Variants in IQCM observed in about 807,000 individuals in gnomAD.
The protein encoded by IQCM is IQ motif containing M.
In IQCM, 45 loss-of-function variants were observed where a neutral mutation model predicts 57.6. That is an observed-to-expected ratio of 0.78 (90% CI 0.62 to 1.00). The LOEUF (loss-of-function observed/expected upper bound fraction) is 1.00, where lower values mean the gene tolerates loss of function less well. Among genes scored for constraint, IQCM ranks in the 50% least tolerant of loss-of-function variants. The pLI, the probability that IQCM is intolerant of heterozygous loss-of-function variation, is 0.00. For missense variants in IQCM, 468 were observed against 511.6 expected (o/e 0.91, Z 0.82); for synonymous variants, 148 against 158.9 (o/e 0.93, Z 0.51).
intron 12 of IQCM, among the ~76,000 whole-genome samples, chr4:149,515,246 G>A (rs761433702): frequency 7.2e-5 from 11 of 152,012 alleles, no homozygotes; most frequent in Non-Finnish European, 1.5e-4. Context: ...GAAACCAAAC[G>A]TTTGACTATG....
At chr4:149,666,560 G>C (rs1282442284) in intron 7 of IQCM, among the ~76,000 whole-genome samples, 2 of 152,088 alleles carry the variant, frequency 1.3e-5, no homozygotes, top group East Asian at 3.9e-4. Flanking sequence ...GTAGTGCCTG[G>C]AACATCAGCA....
chr4:149,521,121 T>C (rs1745595455), intron 12 of IQCM, among the ~76,000 whole-genome samples: 1 of 152,210 alleles, frequency 6.6e-6, no homozygotes, highest in African/African-American at 2.4e-5. Flanking sequence ...TAGTTCTTTC[T>C]GTTCATGGTC....
At chr4:149,706,075 C>CT (rs1260676626) in intron 5 of IQCM, among the ~76,000 whole-genome samples, 1 of 151,836 alleles carries the variant, frequency 6.6e-6, no homozygotes, top group African/African-American at 2.4e-5. Context: ...ATAGGATATT[C>CT]TTTTTTAAAA....
At chr4:149,454,516 T>C (rs1310813075) in intron 12 of IQCM, among the ~76,000 whole-genome samples, 2 of 151,918 alleles carry the variant, frequency 1.3e-5, no homozygotes, top group African/African-American at 2.4e-5. Flanking sequence ...TATCAGGTAC[T>C]ATGCTTATTA....
At chr4:149,584,086 G>A (rs1210222256) in intron 9 of IQCM, among the ~76,000 whole-genome samples, 1 of 151,252 alleles carries the variant, frequency 6.6e-6, no homozygotes, top group South Asian at 2.1e-4. Flanking sequence ...ATTCTATCTG[G>A]GTTAGAGGTA....
intron 12 of IQCM, among the ~76,000 whole-genome samples, chr4:149,475,046 G>C (rs1231209238): frequency 6.6e-6 from 1 of 152,120 alleles, no homozygotes. Context: ...GGGTTTTTAG[G>C]AAAGACATAA....
At position 149,396,621 on chromosome 4, in the gene IQCM, A is replaced by G. The variant is rs189586776; in HGVS notation, c.1390+36775T>C. On this transcript the variant is annotated intron_variant, in intron 13 of 13. Transcript: ENST00000636793. Reference sequence around the variant, plus strand: ...CTCTTGACAAATTTTTAAGTGTACAATATGTTGTTATTGACTATAGGTACA... The same window carrying G: ...CTCTTGACAAATTTTTAAGTGTACAGTATGTTGTTATTGACTATAGGTACA... Among the ~76,000 whole-genome samples, 314 of 152,132 alleles carry G rather than the reference A, an allele frequency of 2.1e-3. 3 individuals carry two copies. Among genetic ancestry groups the G allele is most frequent in the African/African-American group, 7.1e-3 (295 of 41,546 alleles).
At chr4:149,524,772 TAGAGA>T (rs982098853) in intron 12 of IQCM, among the ~76,000 whole-genome samples, 1 of 151,484 alleles carries the variant, frequency 6.6e-6, no homozygotes, top group African/African-American at 2.4e-5. Flanking sequence ...AAAGGAAGAG[TAGAGA>T]AGACATACAA....
At chr4:149,655,347 T>G (rs1470745434) in intron 7 of IQCM, among the ~76,000 whole-genome samples, 1 of 152,162 alleles carries the variant, frequency 6.6e-6, no homozygotes, top group Admixed American at 6.6e-5. Context: ...AACTCTTTTC[T>G]TACATCCCAC....
At chr4:149,558,741 C>G (rs976293055) in intron 10 of IQCM, among the ~76,000 whole-genome samples, 1 of 152,046 alleles carries the variant, frequency 6.6e-6, no homozygotes, top group African/African-American at 2.4e-5. Flanking sequence ...AGATTCATTG[C>G]CAAAATGAGG....
intron 12 of IQCM, among the ~76,000 whole-genome samples, chr4:149,547,970 TA>T (rs1460256643): frequency 6.6e-6 from 1 of 152,138 alleles, no homozygotes; most frequent in Non-Finnish European, 1.5e-5. Flanking sequence ...TCATAAACAA[TA>T]TTTTTCATGT....
intron 9 of IQCM, among the ~76,000 whole-genome samples, chr4:149,580,383 C>T (rs1302220031): frequency 6.6e-6 from 1 of 151,794 alleles, no homozygotes; most frequent in Non-Finnish European, 1.5e-5. Context: ...TATCAGTTAT[C>T]AACTGGATGT....
chr4:149,488,356 C>G (rs1205871602), intron 12 of IQCM, among the ~76,000 whole-genome samples: 5 of 152,076 alleles, frequency 3.3e-5, no homozygotes, highest in Admixed American at 3.3e-4. Context: ...TAAAATGAGC[C>G]AACTATTTCA....
At chr4:149,720,860 T>A (rs1765385592) in intron 5 of IQCM, among the ~76,000 whole-genome samples, 1 of 152,188 alleles carries the variant, frequency 6.6e-6, no homozygotes, top group Admixed American at 6.5e-5. Flanking sequence ...TATTAGTATG[T>A]TTCAAATTCC....
At chr4:149,454,859 G>A (rs888531718) in intron 12 of IQCM, among the ~76,000 whole-genome samples, 1 of 151,954 alleles carries the variant, frequency 6.6e-6, no homozygotes, top group African/African-American at 2.4e-5. Flanking sequence ...GGGGTAAATA[G>A]TAGCAGGGTA....
At chr4:149,417,913 A>G (rs2111202845) in intron 13 of IQCM, among the ~76,000 whole-genome samples, 1 of 150,120 alleles carries the variant, frequency 6.7e-6, no homozygotes, top group East Asian at 2.0e-4. Context: ...GGTTTATGGG[A>G]TGAATGATAA....
intron 2 of IQCM, among the ~76,000 whole-genome samples, chr4:149,794,352 A>G (rs1035916343): frequency 6.6e-6 from 1 of 152,196 alleles, no homozygotes; most frequent in Non-Finnish European, 1.5e-5. Flanking sequence ...GAAGTGCTAC[A>G]CTCCAAAGAA....
chr4:149,704,348 G>A (rs1763997270), intron 5 of IQCM, among the ~76,000 whole-genome samples: 1 of 151,768 alleles, frequency 6.6e-6, no homozygotes, highest in African/African-American at 2.4e-5. Context: ...GCAAACCACG[G>A]TCTGGGCCTA....
At chr4:149,476,337 T>A (rs778391399) in intron 12 of IQCM, among the ~76,000 whole-genome samples, 1 of 152,194 alleles carries the variant, frequency 6.6e-6, no homozygotes, top group Admixed American at 6.6e-5. Flanking sequence ...GTTTCCTTAC[T>A]TAAGTTTCCC....
Sources: allele counts gnomAD v4.1 joint callset (sites outside exome capture counted in the v4.1 genomes callset), GRCh38; gene constraint gnomAD v4.1.1; transcripts MANE v1.5; gene names NCBI Gene and HGNC (gene_info 2026-07-23, HGNC 2026-07-21).